LOC400499: variants seen among roughly 807,000 people sequenced by gnomAD.
chr16:11,476,493 C>G, the LOC400499 span, among the ~76,000 whole-genome samples: 5 of 152,098 alleles, frequency 3.3e-5, no homozygotes, highest in Admixed American at 3.3e-4. Context: ...CACACTCACT[C>G]CTCACTGCCA....
chr16:11,449,692 C>T, the LOC400499 span, among the ~76,000 whole-genome samples: 1 of 152,236 alleles, frequency 6.6e-6, no homozygotes, highest in Non-Finnish European at 1.5e-5. Flanking sequence ...ACCAGAACTT[C>T]GTAACACTTT....
chr16:11,461,661 G>A, the LOC400499 span, among the ~76,000 whole-genome samples: 486 of 152,288 alleles, frequency 3.2e-3, 5 homozygotes, highest in African/African-American at 0.011. Context: ...GGTGAAACTG[G>A]GCCAGCTGTT....
At chr16:11,458,766 T>C in the LOC400499 span, among the ~76,000 whole-genome samples, 2 of 152,086 alleles carry the variant, frequency 1.3e-5, no homozygotes, top group Admixed American at 6.5e-5. Context: ...CCGGGTGTGG[T>C]GGCTCATGCC....
At chr16:11,388,422 G>A in the LOC400499 span, among the ~76,000 whole-genome samples, 4 of 152,316 alleles carry the variant, frequency 2.6e-5, no homozygotes, top group South Asian at 4.1e-4. Flanking sequence ...CTGAGGCACA[G>A]AGCACTGAGG....
At chr16:11,387,468 C>G in the LOC400499 span, among the ~76,000 whole-genome samples, 103,231 of 152,020 alleles carry the variant, frequency 0.68, 37,838 homozygotes, top group Non-Finnish European at 0.81. Flanking sequence ...TGGAGGAGGA[C>G]AGAGGCCGGC....
chr16:11,457,120 C>G, the LOC400499 span: 11 of 1,385,362 alleles, frequency 7.9e-6, no homozygotes, highest in Non-Finnish European at 9.6e-6. Context: ...GTTGAGGCAG[C>G]AGCGAGCCAA....
the LOC400499 span, chr16:11,407,216 TC>T: frequency 2.5e-6 from 1 of 399,030 alleles, no homozygotes; most frequent in Non-Finnish European, 4.4e-6. Flanking sequence ...AAAGGTCTGT[TC>T]CAGTTTGATG....
At chr16:11,374,586 T>C in the LOC400499 span, among the ~76,000 whole-genome samples, 1 of 152,202 alleles carries the variant, frequency 6.6e-6, no homozygotes, top group Admixed American at 6.5e-5. Context: ...ACAGTACTTG[T>C]GTTTTTGTGA....
At chr16:11,508,915 A>G in the LOC400499 span, 2 of 398,508 alleles carry the variant, frequency 5.0e-6, no homozygotes, top group African/African-American at 2.1e-5. Context: ...TGAGCTAGAA[A>G]GCCCTCTGGG....
the LOC400499 span, among the ~76,000 whole-genome samples, chr16:11,376,970 C>A: frequency 7.0e-6 from 1 of 142,718 alleles, no homozygotes; most frequent in African/African-American, 2.6e-5. Context: ...GATGATGTCT[C>A]ACTGTGTTGC....
At chr16:11,410,505 G>A in the LOC400499 span, among the ~76,000 whole-genome samples, 1 of 152,192 alleles carries the variant, frequency 6.6e-6, no homozygotes, top group Non-Finnish European at 1.5e-5. Context: ...CTGAATGACT[G>A]TGCAGTTGGA....
At chr16:11,378,309 G>A in the LOC400499 span, among the ~76,000 whole-genome samples, 1 of 150,790 alleles carries the variant, frequency 6.6e-6, no homozygotes, top group Admixed American at 6.6e-5. Flanking sequence ...TGTCGCCCAG[G>A]CTGGAGTGCA....
the LOC400499 span, among the ~76,000 whole-genome samples, chr16:11,410,478 A>C: frequency 6.6e-6 from 1 of 152,332 alleles, no homozygotes; most frequent in African/African-American, 2.4e-5. Context: ...AATTAAATAA[A>C]TAAATAAAGA....
chr16:11,425,227 G>A, the LOC400499 span: 5 of 398,882 alleles, frequency 1.3e-5, no homozygotes, highest in African/African-American at 2.1e-5. Context: ...CTGGCTGCAT[G>A]GGCCCGGATG....
chr16:11,385,445 G>C, the LOC400499 span: 2 of 1,226,574 alleles, frequency 1.6e-6, no homozygotes, highest in African/African-American at 1.6e-5. Flanking sequence ...AAGGCAGGGT[G>C]AGCGGGGCCA....
the LOC400499 span, among the ~76,000 whole-genome samples, chr16:11,437,628 A>C: frequency 2.0e-5 from 3 of 152,274 alleles, no homozygotes; most frequent in Middle Eastern, 3.4e-3. Flanking sequence ...AGAACTTTGG[A>C]AGGCTGGGGC....
chr16:11,434,672 A>G, the LOC400499 span, among the ~76,000 whole-genome samples: 1 of 152,240 alleles, frequency 6.6e-6, no homozygotes, highest in South Asian at 2.1e-4. Flanking sequence ...CAAAGATGGT[A>G]GCCAGCTACT....
the LOC400499 span, among the ~76,000 whole-genome samples, chr16:11,407,636 T>C: frequency 6.6e-6 from 1 of 152,288 alleles, no homozygotes; most frequent in Admixed American, 6.5e-5. Flanking sequence ...CTAGTTGTAG[T>C]ACTGTTGCAG....
the LOC400499 span, chr16:11,424,380 G>A: frequency 2.5e-6 from 1 of 399,272 alleles, no homozygotes; most frequent in Non-Finnish European, 4.4e-6. Flanking sequence ...AGTGGGCAGA[G>A]CCCCAGAGAC....
Sources: allele counts gnomAD v4.1 joint callset (sites outside exome capture counted in the v4.1 genomes callset), GRCh38; gene constraint gnomAD v4.1.1; transcripts MANE v1.5.